Variants in SLC14A2 observed in about 807,000 individuals in gnomAD.
SLC14A2 encodes urea transporter 2.
SLC14A2 carries 91 observed loss-of-function variants against 104.6 expected under a neutral mutation model. The ratio of observed to expected loss-of-function variants is 0.87; its 90% CI spans 0.73 to 1.04. The LOEUF is 1.04. Among genes scored for constraint, SLC14A2 ranks in the 50% least tolerant of loss-of-function variants. The pLI is 0.00. For synonymous variants in SLC14A2, 476 were observed against 466.4 expected, an observed-to-expected ratio of 1.02 and a Z score of -0.27; for missense variants, 1,189 against 1,156.0, an observed-to-expected ratio of 1.03 and a Z score of -0.41.
chr18:45,540,417 A>G (rs1223930569), intron 2 of SLC14A2, among the ~76,000 whole-genome samples: 3 of 152,062 alleles, frequency 2.0e-5, no homozygotes, highest in Non-Finnish European at 4.4e-5. Flanking sequence ...CTGCTTGGAG[A>G]GTTAGCAAGC....
chr18:45,232,678 A>G lies in SLC14A2; in HGVS notation c.-125+19487A>G, dbSNP rs2084186409. ...CCAACTCAAGAGACTGTATATAAAT[A>G]CATTTTGGATTGTTACTTTTAATAA... On this transcript the variant is annotated intron_variant, in intron 1 of 20. Transcript: ENST00000586448. 2.0e-5 allele frequency among the ~76,000 whole-genome samples: 3 copies of G among 152,310 alleles called. No individual in the cohort carries two copies. In the South Asian group the frequency reaches 6.2e-4, roughly 32 times the overall value.
At chr18:45,560,792 G>A (rs1280866703) in intron 2 of SLC14A2, among the ~76,000 whole-genome samples, 3 of 152,064 alleles carry the variant, frequency 2.0e-5, no homozygotes, top group Non-Finnish European at 2.9e-5. Flanking sequence ...ATGTCCTGGG[G>A]TTGACTTCCT....
At chr18:45,356,126 A>G (rs1378563957) in intron 1 of SLC14A2, among the ~76,000 whole-genome samples, 1 of 152,196 alleles carries the variant, frequency 6.6e-6, no homozygotes, top group Non-Finnish European at 1.5e-5. Flanking sequence ...GACTGAAACC[A>G]AAACTTCACT....
rs141239082 is a variant in SLC14A2 at position 45,258,553 on chromosome 18, T to A, written c.-125+45362T>A. On this transcript the variant is annotated intron_variant, in intron 1 of 20. Coordinates refer to the SLC14A2 transcript ENST00000586448. ...CTGGATAAGCTAGGTACTTTTGTCT[T>A]CTCAACTGAACTTTAAGCTTCTTGT... Among the ~76,000 whole-genome samples, 748 of 143,672 alleles carry A rather than the reference T, an allele frequency of 5.2e-3. 98 individuals are homozygous for A. The highest frequency in any genetic ancestry group is 0.011 in the South Asian group (47 of 4,362). The allele number at this position is 143,672 out of a possible 152,430, so 94.3% of individuals were successfully genotyped here.
At chr18:45,647,464 GATTT>G (rs528849423) in intron 10 of SLC14A2, 11 of 152,068 alleles carry the variant, frequency 7.2e-5, no homozygotes, top group Non-Finnish European at 1.3e-4. Context: ...AGCGATTTTG[GATTT>G]ATTTGTCCTT....
At chr18:45,262,061 C>T (rs1398775560) in intron 1 of SLC14A2, among the ~76,000 whole-genome samples, 1 of 152,172 alleles carries the variant, frequency 6.6e-6, no homozygotes, top group Non-Finnish European at 1.5e-5. Context: ...ACATCCTCTC[C>T]AGCACCTGTT....
At chr18:45,629,612 G>C (rs985449149) in intron 4 of SLC14A2, among the ~76,000 whole-genome samples, 1 of 152,016 alleles carries the variant, frequency 6.6e-6, no homozygotes, top group South Asian at 2.1e-4. Flanking sequence ...ATAATCTACT[G>C]TCCAGCTGAG....
chr18:45,235,945 ATG>A lies in SLC14A2; in HGVS notation c.-125+22760_-125+22761del, dbSNP rs1194263115. On this transcript the variant is annotated intron_variant, in intron 1 of 20. Coordinates refer to the SLC14A2 transcript ENST00000586448. The stretch of plus-strand genomic sequence containing the variant: ...TGTGTATATATGTATATATACATAT[ATG>A]TGTGTATATATGTATATATACATAT... Among the ~76,000 whole-genome samples, 3 of 98,556 alleles carry A rather than the reference ATG, an allele frequency of 3.0e-5. 1 individual carries two copies. The East Asian group carries it at 7.2e-4, about 24-fold the overall frequency. 64.7% of individuals were successfully genotyped at this position (98,556 alleles called of 152,430 possible).
chr18:45,190,621 G>C, the SLC14A2 span, among the ~76,000 whole-genome samples: 1 of 152,262 alleles, frequency 6.6e-6, no homozygotes, highest in African/African-American at 2.4e-5. Context: ...GTTTGTAATA[G>C]AGATGGGCCG....
At chr18:45,297,474 G>A (rs1474042319) in intron 1 of SLC14A2, among the ~76,000 whole-genome samples, 3 of 152,222 alleles carry the variant, frequency 2.0e-5, no homozygotes, top group Admixed American at 2.0e-4. Flanking sequence ...TGGTAAAGAT[G>A]AGTGGGTAGC....
chr18:45,186,364 G>C, the SLC14A2 span, among the ~76,000 whole-genome samples: 2 of 152,144 alleles, frequency 1.3e-5, no homozygotes, highest in African/African-American at 4.8e-5. Context: ...GGAAAGGATT[G>C]GCTTTTTTTC....
chr18:45,273,925 C>T (rs760415133), intron 1 of SLC14A2, among the ~76,000 whole-genome samples: 6 of 152,166 alleles, frequency 3.9e-5, no homozygotes, highest in Non-Finnish European at 8.8e-5. Flanking sequence ...TTCCATTATG[C>T]TGTAAATGTG....
In SLC14A2 at chr18:45,641,232, G is replaced by C. The variant is rs200386055; in HGVS notation, c.1015G>C (p.Glu339Gln). Reference sequence around the variant, plus strand: ...AGCCCTGTCAGTGGCCACACCCTTCGAGACCATCTACACAGGCCTCTGGAG... The same window carrying C: ...AGCCCTGTCAGTGGCCACACCCTTCCAGACCATCTACACAGGCCTCTGGAG... The part of the protein sequence containing the change: ...LAALSVATPF[E>Q]TIYTGLWSYN... Residue 339 changes from glutamate (E) to glutamine (Q), a missense_variant, in exon 8 of 20, where the codon GAG becomes CAG. Glu to Gln is a conservative substitution (Grantham distance 29, BLOSUM62 2). Coordinates refer to ENST00000255226, the MANE Select transcript of SLC14A2 (RefSeq NM_007163.4). The C allele has an allele frequency of 6.2e-7, 1 of 1,613,520 alleles. No individual in the cohort carries two copies. Among genetic ancestry groups the C allele is most frequent in the South Asian group, 1.1e-5 (1 of 91,038 alleles).
At chr18:45,483,878 T>C (rs1413174127) in intron 2 of SLC14A2, among the ~76,000 whole-genome samples, 1 of 152,190 alleles carries the variant, frequency 6.6e-6, no homozygotes. Context: ...ATACTTATAT[T>C]AAGCACAAAG....
At chr18:45,271,329 G>A (rs941267705) in intron 1 of SLC14A2, among the ~76,000 whole-genome samples, 3 of 152,078 alleles carry the variant, frequency 2.0e-5, no homozygotes, top group African/African-American at 7.2e-5. Context: ...CTTTTCCCTT[G>A]GGAGGTGATT....
intron 2 of SLC14A2, among the ~76,000 whole-genome samples, chr18:45,509,690 C>T (rs2043337703): frequency 6.6e-6 from 1 of 152,204 alleles, no homozygotes; most frequent in Non-Finnish European, 1.5e-5. Context: ...CCACTCTGCA[C>T]CCTGTGGGCC....
intron 2 of SLC14A2, among the ~76,000 whole-genome samples, chr18:45,579,655 C>G (rs78007234): frequency 0.02 from 3,105 of 152,324 alleles, 126 homozygotes; most frequent in African/African-American, 0.071. Flanking sequence ...CATTCGTTCA[C>G]TAGGCATGGG....
chr18:45,275,172 C>T (rs962552489), intron 1 of SLC14A2, among the ~76,000 whole-genome samples: 10 of 152,184 alleles, frequency 6.6e-5, no homozygotes, highest in African/African-American at 2.4e-4. Context: ...TTGCAGTGAC[C>T]TTATTATTCG....
intron 2 of SLC14A2, among the ~76,000 whole-genome samples, chr18:45,522,319 T>C (rs553223298): frequency 2.6e-4 from 40 of 152,310 alleles, no homozygotes; most frequent in African/African-American, 9.6e-4. Flanking sequence ...ATAAACACTA[T>C]AAGCCCATGA....
Sources: allele counts gnomAD v4.1 joint callset (sites outside exome capture counted in the v4.1 genomes callset), GRCh38; gene constraint gnomAD v4.1.1; transcripts MANE v1.5; gene names NCBI Gene and HGNC (gene_info 2026-07-23, HGNC 2026-07-21).